The following AFAP1 variants were observed in gnomAD, a reference collection of about 807,000 sequenced individuals.
The protein encoded by AFAP1 is actin filament associated protein 1, also known as actin filament-associated protein 1.
A neutral mutation model predicts 93.9 loss-of-function variants in AFAP1; 75 were observed. That is an observed-to-expected ratio of 0.80 (90% confidence interval 0.66 to 0.97). AFAP1 has a LOEUF of 0.97. Among genes scored for constraint, AFAP1 ranks in the 50% least tolerant of loss-of-function variants. AFAP1 has a pLI of 0.00. For missense variants in AFAP1, 1,201 were observed against 1,050.8 expected (o/e 1.14, Z -1.98); for synonymous variants, 517 against 430.7 (o/e 1.20, Z -2.48).
chr4:7,910,456 G>T (rs1719663992), intron 1 of AFAP1, among the ~76,000 whole-genome samples: 1 of 152,158 alleles, frequency 6.6e-6, no homozygotes, highest in Admixed American at 6.5e-5. Context: ...TGATATCAAG[G>T]AATTTATGCC....
intron 5 of AFAP1, among the ~76,000 whole-genome samples, chr4:7,839,461 TATTAG>T (rs1158264281): frequency 2.6e-5 from 4 of 152,048 alleles, no homozygotes; most frequent in Non-Finnish European, 5.9e-5. Context: ...TAAAATATAC[TATTAG>T]ATTTGTTGCA....
chr4:7,922,329 CATT>C, intron 1 of AFAP1, among the ~76,000 whole-genome samples: 1 of 152,166 alleles, frequency 6.6e-6, no homozygotes, highest in South Asian at 2.1e-4. Context: ...GGACAAAAAA[CATT>C]AAGTACTATC....
chr4:7,825,189 G>A (rs1343066622), intron 6 of AFAP1, among the ~76,000 whole-genome samples: 2 of 152,064 alleles, frequency 1.3e-5, no homozygotes, highest in Non-Finnish European at 2.9e-5. Context: ...TAGATAAACG[G>A]GAAAGGGTTT....
Position 7,838,645 on chromosome 4 carries a change from T to C in AFAP1, c.605A>G (p.Asn202Ser). The C allele has an allele frequency of 6.2e-7, 1 of 1,614,154 alleles. No individual in the cohort carries two copies. The highest frequency in any genetic ancestry group is 8.5e-7 in the Non-Finnish European group (1 of 1,180,026). The change falls in exon 6 of 18, where the codon AAC becomes AGC. Residue 202 changes from asparagine (N) to serine (S), a missense_variant. Transcript: ENST00000420658. The stretch of plus-strand genomic sequence containing the variant: ...GCTGTCTTTCGGGATGTACGTAATG[T>C]TACAGCCTTGGAGTGGCAGTTCCAT... Reference protein sequence around the residue: ...PQMELPLQGCNITYIPKDSKK... With the variant: ...PQMELPLQGCSITYIPKDSKK...
rs577037659 is a variant in AFAP1, at chr4:7,847,220, G to A, written c.335-3870C>T. 5.3e-5 allele frequency among the ~76,000 whole-genome samples: 8 copies of A among 152,206 alleles called. No homozygotes were observed. In the East Asian group the frequency reaches 1.5e-3, roughly 29 times the overall value. ...GTGTCCCAATCAAGAGAACTCTCCAGAAAGTATGCTTAGCGATGACCCAAT... is the reference window on the plus strand; with the variant it reads ...GTGTCCCAATCAAGAGAACTCTCCAAAAAGTATGCTTAGCGATGACCCAAT... On this transcript the variant is annotated intron_variant, in intron 4 of 17. Transcript: ENST00000420658.
At position 7,790,794 on chromosome 4, in the gene AFAP1, T is replaced by C. The variant is rs182905558; in HGVS notation, c.1412+2887A>G. Among the ~76,000 whole-genome samples the C allele has an allele frequency of 2.6e-3, 397 of 152,352 alleles. 1 individual carries two copies. The highest frequency in any genetic ancestry group is 6.9e-3 in the Admixed American group (105 of 15,302). On this transcript the variant is annotated intron_variant, in intron 11 of 17. Coordinates refer to ENST00000420658, the MANE Select transcript of AFAP1 (RefSeq NM_001134647.2). ...TTAGTATAAACAGAACGGTAAGTAC[T>C]AGACTACATCTATCCTGATTTCCAC... is the stretch of plus-strand genomic sequence containing the variant.
chr4:7,771,581 G>A (rs1715446183), intron 16 of AFAP1, among the ~76,000 whole-genome samples: 1 of 152,158 alleles, frequency 6.6e-6, no homozygotes, highest in Non-Finnish European at 1.5e-5. Context: ...GCGCTTCGGT[G>A]GGCACTGTGC....
At chr4:7,770,313 A>C (rs1347486918) in intron 16 of AFAP1, among the ~76,000 whole-genome samples, 1 of 152,210 alleles carries the variant, frequency 6.6e-6, no homozygotes, top group Non-Finnish European at 1.5e-5. Flanking sequence ...TGGAGCCACC[A>C]TAGAAGAGAG....
chr4:7,763,554 C>T lies in AFAP1; in HGVS notation c.*211G>A, dbSNP rs1714108069. On this transcript the variant is annotated 3_prime_UTR_variant, in exon 18 of 18. Coordinates refer to ENST00000420658, the MANE Select transcript of AFAP1 (RefSeq NM_001134647.2). The stretch of plus-strand genomic sequence containing the variant: ...TTTGTTTTTTAACAAAGTTGGGAAC[C>T]AAAGTCTTACATCTTTTTTAAAGGC... The T allele has an allele frequency of 1.7e-6, 1 of 576,160 alleles. No individual in the cohort carries two copies. The highest frequency in any genetic ancestry group is 1.9e-5 in the African/African-American group (1 of 53,046). 35.7% of individuals were successfully genotyped at this position (576,160 alleles called of 1,614,324 possible).
At chr4:7,923,026 A>C (rs1378543366) in intron 1 of AFAP1, among the ~76,000 whole-genome samples, 3 of 152,288 alleles carry the variant, frequency 2.0e-5, no homozygotes, top group Non-Finnish European at 4.4e-5. Context: ...AAAATCACTA[A>C]GAATTTGTAT....
chr4:7,844,609 G>T lies in AFAP1; in HGVS notation c.335-1259C>A, dbSNP rs1025489606. 3.9e-5 allele frequency among the ~76,000 whole-genome samples: 6 copies of T among 152,336 alleles called. No homozygotes were observed. The South Asian group carries it at 1.2e-3, about 32-fold the overall frequency. Reference sequence around the variant, plus strand: ...AAAAGGAGACCATCTCGTTGGCGGTGATCTCCCCGGCACCTAACAAAGTAC... The same window carrying T: ...AAAAGGAGACCATCTCGTTGGCGGTTATCTCCCCGGCACCTAACAAAGTAC... On this transcript the variant is annotated intron_variant, in intron 4 of 17. Transcript: ENST00000420658.
chr4:7,826,837 C>T (rs987106189), intron 6 of AFAP1, among the ~76,000 whole-genome samples: 1 of 152,162 alleles, frequency 6.6e-6, no homozygotes, highest in African/African-American at 2.4e-5. Flanking sequence ...AAATAGGACT[C>T]TTGTCAGTCT....
chr4:7,891,384 A>AGGACCAGAGAGAAAACCTAACTGGTCAAG (rs541501589), intron 1 of AFAP1, among the ~76,000 whole-genome samples: 183 of 152,368 alleles, frequency 1.2e-3, no homozygotes, highest in African/African-American at 4.1e-3. Flanking sequence ...TAGAGAACCA[A>AGGACCAGAGAGAAAACCTAACTGGTCAAG]GGACCAGAGA....
At position 7,855,505 on chromosome 4, in the gene AFAP1, G is replaced by A. The variant is rs1388695400; in HGVS notation, c.295C>T (p.Pro99Ser). 4.3e-6 allele frequency: 7 copies of A among 1,613,554 alleles called. No individual in the cohort carries two copies. The highest frequency in any genetic ancestry group is 5.9e-6 in the Non-Finnish European group (7 of 1,179,788). ...LPEGYYEEAVPLSPGKAPEYI... is the reference protein window; with the variant it reads ...LPEGYYEEAVSLSPGKAPEYI... ...TCCGGAGCTTTTCCGGGGCTCAGCG[G>A]CACAGCTTCCTCATAATAACCTTCT... The change falls in exon 4 of 18, where the codon CCG becomes TCG. Residue 99 changes from proline to serine, a missense_variant. Pro to Ser is a moderately conservative substitution (Grantham distance 74, BLOSUM62 -1). Transcript: ENST00000420658.
intron 4 of AFAP1, among the ~76,000 whole-genome samples, chr4:7,845,760 G>C (rs1713609721): frequency 6.6e-6 from 1 of 152,112 alleles, no homozygotes; most frequent in Admixed American, 6.5e-5. Flanking sequence ...CTGCTTCACA[G>C]GGCAGCCACA....
chr4:7,816,614 C>T (rs1228490392), intron 7 of AFAP1, among the ~76,000 whole-genome samples: 1 of 152,166 alleles, frequency 6.6e-6, no homozygotes, highest in East Asian at 1.9e-4. Flanking sequence ...GGGGGACTGT[C>T]ACTATCTCAG....
chr4:7,842,301 CAAAAAAAA>C (rs57050150), intron 5 of AFAP1, among the ~76,000 whole-genome samples: 235 of 94,866 alleles, frequency 2.5e-3, no homozygotes, highest in African/African-American at 8.5e-3. Flanking sequence ...CCTGGATTTA[CAAAAAAAA>C]AAAAAAAAAA....
intron 1 of AFAP1, among the ~76,000 whole-genome samples, chr4:7,896,167 T>C (rs1718751148): frequency 6.6e-6 from 1 of 152,128 alleles, no homozygotes; most frequent in Admixed American, 6.5e-5. Flanking sequence ...GTATTTTTTA[T>C]AGAACTAATC....
chr4:7,887,694 A>G (rs570920602), intron 1 of AFAP1, among the ~76,000 whole-genome samples: 93 of 152,256 alleles, frequency 6.1e-4, no homozygotes, highest in African/African-American at 2.2e-3. Flanking sequence ...GTACGCATAT[A>G]CTCTTACTGG....
Sources: allele counts gnomAD v4.1 joint callset (sites outside exome capture counted in the v4.1 genomes callset), GRCh38; gene constraint gnomAD v4.1.1; transcripts MANE v1.5; gene names NCBI Gene and HGNC (gene_info 2026-07-23, HGNC 2026-07-21).